Variants in ADCY2 observed in about 807,000 individuals in gnomAD.
The protein encoded by ADCY2 is adenylate cyclase type 2.
Under a neutral mutation model 125.2 loss-of-function variants are expected in ADCY2, and 31 were observed. The observed-to-expected ratio is 0.25, with a 90% CI of 0.19 to 0.33. The LOEUF is 0.33. Among genes scored for constraint, ADCY2 ranks in the 10% least tolerant of loss-of-function variants. ADCY2 has a pLI of 1.00. For synonymous variants in ADCY2, 512 were observed against 548.4 expected (o/e 0.93, Z 0.93); for missense variants, 904 against 1,418.2 (o/e 0.64, Z 5.82).
At chr5:7,671,094 T>C (rs1375525210) in intron 4 of ADCY2, among the ~76,000 whole-genome samples, 1 of 152,212 alleles carries the variant, frequency 6.6e-6, no homozygotes, top group Non-Finnish European at 1.5e-5. Flanking sequence ...CAACTAGAAA[T>C]GATCATGACC....
At chr5:7,444,953 T>G (rs1741182519) in intron 2 of ADCY2, among the ~76,000 whole-genome samples, 1 of 152,226 alleles carries the variant, frequency 6.6e-6, no homozygotes, top group African/African-American at 2.4e-5. Context: ...TGGATTAGGT[T>G]GTTCTCCAGT....
At chr5:7,710,204 C>A (rs1273628756) in intron 10 of ADCY2, among the ~76,000 whole-genome samples, 1 of 152,184 alleles carries the variant, frequency 6.6e-6, no homozygotes, top group Non-Finnish European at 1.5e-5. Flanking sequence ...GACACTCCCA[C>A]TCCCAACAGG....
In ADCY2 at chr5:7,577,608, T is replaced by C. The variant is rs1254453815; in HGVS notation, c.571-48559T>C. On this transcript the variant is annotated intron_variant, in intron 3 of 24. Transcript: ENST00000338316. ...GAGTCCAAGAACAGCTGATGAAACT[T>C]AGGAGAAGACTGTCTCATGACATTT... Among the ~76,000 whole-genome samples, 3 of 152,178 alleles carry C rather than the reference T, an allele frequency of 2.0e-5. No individual in the cohort carries two copies. In the East Asian group the frequency reaches 5.8e-4, roughly 29 times the overall value.
At chr5:7,818,474 G>A (rs144109767) in intron 23 of ADCY2, among the ~76,000 whole-genome samples, 74 of 151,146 alleles carry the variant, frequency 4.9e-4, no homozygotes, top group African/African-American at 1.5e-3. Context: ...CTCCTGCCTC[G>A]GCCTCCCAAC....
chr5:7,696,432 A>G (rs185978036), intron 6 of ADCY2, among the ~76,000 whole-genome samples: 1 of 152,324 alleles, frequency 6.6e-6, no homozygotes, highest in East Asian at 1.9e-4. Flanking sequence ...AATTTCACAG[A>G]TAGGAAATGA....
At chr5:7,489,275 G>A (rs929520512) in intron 2 of ADCY2, among the ~76,000 whole-genome samples, 2 of 152,160 alleles carry the variant, frequency 1.3e-5, no homozygotes, top group African/African-American at 2.4e-5. Flanking sequence ...GCACTCCTAG[G>A]TGGCACTCGC....
At chr5:7,713,012 C>A in intron 11 of ADCY2, 113 bp downstream of exon 11, 1 of 707,440 alleles carries the variant, frequency 1.4e-6, no homozygotes, top group East Asian at 2.7e-5. Context: ...GAGCAGCTCC[C>A]CCTGAAAAGC....
Position 7,785,324 on chromosome 5 carries a change from T to C in ADCY2, c.2469+875T>C, listed in dbSNP as rs548110953. 4.1e-3 allele frequency among the ~76,000 whole-genome samples: 630 copies of C among 152,300 alleles called. 5 individuals are homozygous for C. The highest frequency in any genetic ancestry group is 0.014 in the African/African-American group (598 of 41,570). On this transcript the variant is annotated intron_variant, in intron 19 of 24. Coordinates refer to ENST00000338316, the MANE Select transcript of ADCY2 (RefSeq NM_020546.3). ...CAGTTGGACCAAGTCTGGATCTGGC[T>C]GTCAGGCCAGCAGTCCGGGACAACT...
chr5:7,689,479 A>G (rs1740635093), intron 4 of ADCY2, among the ~76,000 whole-genome samples: 1 of 152,176 alleles, frequency 6.6e-6, no homozygotes, highest in African/African-American at 2.4e-5. Context: ...AGCTTCCCCT[A>G]TGAGCACATA....
intron 2 of ADCY2, among the ~76,000 whole-genome samples, chr5:7,457,393 T>C (rs1245460699): frequency 6.6e-6 from 1 of 152,156 alleles, no homozygotes; most frequent in Non-Finnish European, 1.5e-5. Context: ...TGCCCTCAGC[T>C]GCAGAGCCTG....
chr5:7,424,941 T>C (rs1007438424), intron 2 of ADCY2, among the ~76,000 whole-genome samples: 1 of 152,162 alleles, frequency 6.6e-6, no homozygotes. Flanking sequence ...TTCCTCCCTG[T>C]AGGAAAACCT....
intron 2 of ADCY2, among the ~76,000 whole-genome samples, chr5:7,436,551 T>A: frequency 6.6e-6 from 1 of 152,172 alleles, no homozygotes; most frequent in East Asian, 1.9e-4. Flanking sequence ...GTAGAACAGG[T>A]CCATGCCAAG....
At chr5:7,804,422 A>C (rs1437252372) in intron 21 of ADCY2, among the ~76,000 whole-genome samples, 163 bp from the exon 22 acceptor site, 1 of 152,210 alleles carries the variant, frequency 6.6e-6, no homozygotes, top group Non-Finnish European at 1.5e-5. Context: ...GAAATACAAG[A>C]AGTTTTCATT....
intron 4 of ADCY2, among the ~76,000 whole-genome samples, chr5:7,647,357 G>A (rs759060939): frequency 2.6e-5 from 4 of 152,128 alleles, no homozygotes; most frequent in East Asian, 1.9e-4. Context: ...GGCCACGTAA[G>A]CAATGATAAT....
intron 2 of ADCY2, among the ~76,000 whole-genome samples, chr5:7,469,250 C>T (rs927719446): frequency 3.3e-5 from 5 of 152,050 alleles, no homozygotes; most frequent in East Asian, 1.9e-4. Flanking sequence ...TGTTAAGATG[C>T]AGTAGTTTCT....
chr5:7,742,952 C>T (rs1257892687), intron 14 of ADCY2, among the ~76,000 whole-genome samples: 6 of 152,246 alleles, frequency 3.9e-5, no homozygotes, highest in African/African-American at 1.4e-4. Flanking sequence ...TCTGAAACTT[C>T]TATCCTTGGA....
chr5:7,792,289 G>T (rs1230941511), intron 20 of ADCY2, among the ~76,000 whole-genome samples: 21 of 151,978 alleles, frequency 1.4e-4, no homozygotes, highest in Admixed American at 1.4e-3. Context: ...CAGCTACTTG[G>T]GAGGTTGAGG....
intron 3 of ADCY2, among the ~76,000 whole-genome samples, chr5:7,585,248 T>A (rs896128271): frequency 6.6e-6 from 1 of 152,170 alleles, no homozygotes; most frequent in Non-Finnish European, 1.5e-5. Context: ...TCAATATACA[T>A]CAAGATGAGC....
chr5:7,626,487 G>A (rs1042712757), intron 4 of ADCY2, among the ~76,000 whole-genome samples, 171 bp downstream of exon 4: 1 of 152,152 alleles, frequency 6.6e-6, no homozygotes, highest in Middle Eastern at 3.2e-3. Context: ...CTGCTATAAA[G>A]GAATACCTGA....
Sources: allele counts gnomAD v4.1 joint callset (sites outside exome capture counted in the v4.1 genomes callset), GRCh38; gene constraint gnomAD v4.1.1; transcripts MANE v1.5; gene names NCBI Gene and HGNC (gene_info 2026-07-23, HGNC 2026-07-21).